FBXL13: variants seen among roughly 807,000 people sequenced by gnomAD.
FBXL13 encodes the protein F-box and leucine-rich repeat protein 13.
In FBXL13, 67 loss-of-function variants were observed where a neutral mutation model predicts 83.6. The observed-to-expected ratio is 0.80, with a 90% CI of 0.66 to 0.98. The LOEUF (loss-of-function observed/expected upper bound fraction) is 0.98, where lower values mean the gene tolerates loss of function less well. FBXL13 is among the 50% of genes least tolerant of loss of function. FBXL13 has a pLI of 0.00. For missense variants in FBXL13, 822 were observed against 866.5 expected, an observed-to-expected ratio of 0.95 and a Z score of 0.64; for synonymous variants, 272 against 299.5, an observed-to-expected ratio of 0.91 and a Z score of 0.95.
chr7:103,051,482 C>T (rs1363312304), intron 2 of FBXL13, among the ~76,000 whole-genome samples: 3 of 152,180 alleles, frequency 2.0e-5, no homozygotes, highest in Non-Finnish European at 4.4e-5. Flanking sequence ...AGCTTACCCA[C>T]GATCCCCAGC....
intron 16 of FBXL13, among the ~76,000 whole-genome samples, chr7:102,864,292 T>A (rs1807301057): frequency 6.6e-6 from 1 of 152,182 alleles, no homozygotes; most frequent in South Asian, 2.1e-4. Flanking sequence ...ATCATCTGCT[T>A]CTTCCTCCAG....
chr7:102,901,725 A>T (rs1812984877), intron 11 of FBXL13, among the ~76,000 whole-genome samples: 1 of 152,170 alleles, frequency 6.6e-6, no homozygotes, highest in African/African-American at 2.4e-5. Flanking sequence ...TGACATAATG[A>T]TCTCCAGTTC....
chr7:102,933,874 G>A lies in FBXL13; in HGVS notation c.725-1941C>T, dbSNP rs749934840. ...TTCAAAGGAATACTTTCATTGTTCCGTCTGTAACACGAAGTAATTGGGGCC... is the reference window on the plus strand; with the variant it reads ...TTCAAAGGAATACTTTCATTGTTCCATCTGTAACACGAAGTAATTGGGGCC... On this transcript the variant is annotated intron_variant, in intron 8 of 19. Coordinates refer to ENST00000313221, the Ensembl canonical transcript of FBXL13. 44 of 1,535,746 alleles carry A rather than the reference G, an allele frequency of 2.9e-5. No homozygotes were observed. In the South Asian group the frequency reaches 3.7e-4, roughly 13 times the overall value.
intron 6 of FBXL13, among the ~76,000 whole-genome samples, chr7:103,012,346 G>T (rs1473105465): frequency 6.7e-6 from 1 of 148,818 alleles, no homozygotes; most frequent in Admixed American, 6.8e-5. Flanking sequence ...TTGCACTCCA[G>T]CCTGGGTGAC....
intron 19 of FBXL13, among the ~76,000 whole-genome samples, chr7:102,818,261 G>A (rs1798273983): frequency 6.6e-6 from 1 of 152,190 alleles, no homozygotes; most frequent in Non-Finnish European, 1.5e-5. Context: ...CTTTTTAAAA[G>A]CTTGAGAATG....
intron 6 of FBXL13, among the ~76,000 whole-genome samples, chr7:103,005,953 C>A (rs916179781): frequency 3.9e-5 from 6 of 152,082 alleles, no homozygotes; most frequent in Non-Finnish European, 7.4e-5. Context: ...CAGTCACCCA[C>A]AAGGTAACTG....
At chr7:102,868,245 C>T (rs1415912106) in intron 16 of FBXL13, among the ~76,000 whole-genome samples, 1 of 152,158 alleles carries the variant, frequency 6.6e-6, no homozygotes, top group Admixed American at 6.5e-5. Context: ...CAATAGAACA[C>T]TAGAACTTAT....
chr7:103,008,517 T>C (rs1478527901), intron 6 of FBXL13, among the ~76,000 whole-genome samples: 1 of 152,174 alleles, frequency 6.6e-6, no homozygotes, highest in Non-Finnish European at 1.5e-5. Context: ...AAGTTTGAGA[T>C]TGCTAAAAAT....
intron 8 of FBXL13, among the ~76,000 whole-genome samples, chr7:102,958,965 G>A (rs1399185378): frequency 6.6e-6 from 1 of 151,896 alleles, no homozygotes; most frequent in Non-Finnish European, 1.5e-5. Flanking sequence ...AAGGAGACAT[G>A]AACAAGACTC....
At chr7:103,014,056 G>A (rs1791963774) in intron 6 of FBXL13, among the ~76,000 whole-genome samples, 1 of 152,094 alleles carries the variant, frequency 6.6e-6, no homozygotes, top group African/African-American at 2.4e-5. Flanking sequence ...TAAATTCCTG[G>A]AAACATACAA....
chr7:103,055,258 G>A lies in FBXL13; in HGVS notation c.-1+386C>T, dbSNP rs1797227247. 9.2e-6 allele frequency: 7 copies of A among 761,086 alleles called. No homozygotes were observed. The East Asian group carries it at 3.7e-4, about 40-fold the overall frequency. The allele number at this position is 761,086 out of a possible 1,614,324, so 47.1% of individuals were successfully genotyped here. ...CGTAATTAAATCAGTGATTCTTGTA[G>A]GTGGAATGAAAGGGAGGAGAAGGAA... On this transcript the variant is annotated intron_variant, in intron 2 of 19. Transcript: ENST00000313221.
Position 102,877,789 on chromosome 7 carries a change from T to C in FBXL13, c.1509-196A>G, listed in dbSNP as rs143118976. Among the ~76,000 whole-genome samples the C allele has an allele frequency of 2.0e-3, 301 of 152,370 alleles. 1 individual carries two copies. The highest frequency in any genetic ancestry group is 3.4e-3 in the Middle Eastern group (1 of 294). ...CATGAAAGGGCAGTAGATTATTATA[T>C]GACTTTCTTTCTGTAATTTAGTTTC... is the stretch of plus-strand genomic sequence containing the variant. On this transcript the variant is annotated intron_variant, in intron 15 of 19. Transcript: ENST00000313221.
intron 8 of FBXL13, among the ~76,000 whole-genome samples, chr7:102,951,538 T>A (rs1823402480): frequency 6.6e-6 from 1 of 151,958 alleles, no homozygotes; most frequent in South Asian, 2.1e-4. Context: ...CTAGGTGCAG[T>A]GGCTCACACC....
intron 8 of FBXL13, among the ~76,000 whole-genome samples, chr7:102,958,563 AT>A (rs1439659797): frequency 1.2e-4 from 15 of 123,620 alleles, no homozygotes; most frequent in Middle Eastern, 3.7e-3. Flanking sequence ...AATAATAATA[AT>A]AATAAAACAG....
At chr7:103,045,291 G>T (rs1796159306) in intron 2 of FBXL13, among the ~76,000 whole-genome samples, 1 of 152,192 alleles carries the variant, frequency 6.6e-6, no homozygotes, top group South Asian at 2.1e-4. Flanking sequence ...TCCTAGTTAG[G>T]TTTTCAATCT....
At chr7:102,971,941 G>A (rs1479752941) in intron 6 of FBXL13, among the ~76,000 whole-genome samples, 10 of 151,706 alleles carry the variant, frequency 6.6e-5, no homozygotes, top group Admixed American at 2.0e-4. Context: ...CAGGAAAATC[G>A]CTTGAACCAG....
At chr7:102,940,383 T>G (rs574863207) in intron 8 of FBXL13, among the ~76,000 whole-genome samples, 1 of 151,718 alleles carries the variant, frequency 6.6e-6, no homozygotes, top group Non-Finnish European at 1.5e-5. Context: ...CTAATTTTTC[T>G]GTATTTTTAG....
chr7:103,071,606 G>A (rs1273786214), intron 1 of FBXL13, among the ~76,000 whole-genome samples: 5 of 145,424 alleles, frequency 3.4e-5, no homozygotes, highest in African/African-American at 1.0e-4. Context: ...CTATGTTACC[G>A]AGGCTGGTCT....
At chr7:103,072,112 G>A (rs550026209) in intron 1 of FBXL13, among the ~76,000 whole-genome samples, 71 of 152,164 alleles carry the variant, frequency 4.7e-4, no homozygotes, top group African/African-American at 1.5e-3. Flanking sequence ...GAACCCAGGA[G>A]GCGGATGTTG....
Sources: gnomAD v4.1 joint callset for allele counts (sites outside exome capture counted in the v4.1 genomes callset) on GRCh38, gnomAD v4.1.1 for gene constraint, MANE v1.5 for transcripts, NCBI Gene and HGNC (gene_info 2026-07-23, HGNC 2026-07-21) for gene names.